KIAA1671: variants seen among roughly 807,000 people sequenced by gnomAD.
KIAA1671 encodes the protein uncharacterized protein KIAA1671.
In KIAA1671, 52 loss-of-function variants were observed where a neutral mutation model predicts 131.2. The observed-to-expected ratio is 0.40, with a 90% CI of 0.32 to 0.50. KIAA1671 has a LOEUF of 0.50. Ranked by LOEUF, KIAA1671 falls within the 20% of genes least tolerant of loss-of-function variation. The pLI is 0.73. For missense variants in KIAA1671, 2,360 were observed against 2,364.2 expected, an observed-to-expected ratio of 1.00 and a Z score of 0.04; for synonymous variants, 1,003 against 961.6, an observed-to-expected ratio of 1.04 and a Z score of -0.80.
intron 1 of KIAA1671, among the ~76,000 whole-genome samples, chr22:25,003,006 A>G (rs2123864435): frequency 6.6e-6 from 1 of 152,252 alleles, no homozygotes; most frequent in East Asian, 1.9e-4. Context: ...TCCTGAGCTC[A>G]AAGTGATCCA....
chr22:25,038,396 A>G (rs1276367789), intron 4 of KIAA1671, among the ~76,000 whole-genome samples: 7 of 152,244 alleles, frequency 4.6e-5, no homozygotes, highest in African/African-American at 9.6e-5. Flanking sequence ...GTGAGCATTC[A>G]GGTTGTTTCT....
intron 6 of KIAA1671, among the ~76,000 whole-genome samples, chr22:25,093,750 C>CTT (rs1568951040): frequency 2.9e-4 from 35 of 119,018 alleles, no homozygotes; most frequent in Middle Eastern, 4.5e-3. Flanking sequence ...CTCTCTCTCT[C>CTT]TCTCTCTCTC....
intron 1 of KIAA1671, among the ~76,000 whole-genome samples, chr22:25,020,912 T>C (rs1468974743): frequency 5.9e-5 from 9 of 152,046 alleles, no homozygotes. Flanking sequence ...GGGGAAGAAG[T>C]GTGGCCTTTA....
At chr22:24,954,769 T>G (rs896850197) in intron 1 of KIAA1671, among the ~76,000 whole-genome samples, 2 of 152,020 alleles carry the variant, frequency 1.3e-5, no homozygotes, top group Non-Finnish European at 2.9e-5. Context: ...TTTCGTTTGT[T>G]TTGTTTTGTT....
intron 6 of KIAA1671, among the ~76,000 whole-genome samples, chr22:25,166,428 GA>G (rs1440675108): frequency 2.0e-5 from 3 of 152,178 alleles, no homozygotes; most frequent in Non-Finnish European, 4.4e-5. Context: ...CCATCCGCAA[GA>G]GGTCTGGAAA....
intron 6 of KIAA1671, among the ~76,000 whole-genome samples, chr22:25,096,346 C>T (rs1053534162): frequency 2.0e-5 from 3 of 152,166 alleles, no homozygotes; most frequent in Non-Finnish European, 4.4e-5. Context: ...CGAGGGCTGC[C>T]TCTCTGTGCC....
intron 1 of KIAA1671, among the ~76,000 whole-genome samples, chr22:24,983,606 G>A (rs913893601): frequency 3.3e-5 from 5 of 151,208 alleles, no homozygotes; most frequent in African/African-American, 9.8e-5. Flanking sequence ...TGTGTGTATG[G>A]TGGGGGGGCG....
chr22:25,160,563 T>C (rs1933408150), intron 6 of KIAA1671, among the ~76,000 whole-genome samples: 1 of 152,112 alleles, frequency 6.6e-6, no homozygotes, highest in African/African-American at 2.4e-5. Context: ...ACACCAGGCT[T>C]GCACCAACCC....
intron 9 of KIAA1671, chr22:25,179,344 T>C (rs1601387075): frequency 5.0e-6 from 8 of 1,594,486 alleles, no homozygotes; most frequent in Middle Eastern, 2.1e-4. Context: ...TCCTTGTTCC[T>C]GCGCACCTCG....
intron 10 of KIAA1671, among the ~76,000 whole-genome samples, chr22:25,183,680 G>A (rs1221456916): frequency 6.6e-6 from 1 of 151,838 alleles, no homozygotes; most frequent in Non-Finnish European, 1.5e-5. Flanking sequence ...CGGCCACCAT[G>A]CCTGGCTAAT....
At chr22:25,051,224 C>T (rs1469824256) in intron 6 of KIAA1671, 1 of 152,342 alleles carries the variant, frequency 6.6e-6, no homozygotes, top group Non-Finnish European at 1.5e-5. Flanking sequence ...ACCTGCAATT[C>T]TGGGGAGTGG....
chr22:24,996,197 T>C (rs1924125572), intron 1 of KIAA1671, among the ~76,000 whole-genome samples: 1 of 151,528 alleles, frequency 6.6e-6, no homozygotes, highest in Non-Finnish European at 1.5e-5. Flanking sequence ...GAGCTGGTGA[T>C]AGAGCAGGGT....
chr22:25,035,208 C>T (rs1926523841), intron 4 of KIAA1671, among the ~76,000 whole-genome samples: 2 of 151,372 alleles, frequency 1.3e-5, no homozygotes. Context: ...TCTATGCCCA[C>T]TTAATTTTTT....
chr22:24,955,927 A>C (rs138520850), intron 1 of KIAA1671, among the ~76,000 whole-genome samples: 1,656 of 150,834 alleles, frequency 0.011, 22 homozygotes, highest in South Asian at 0.03. Context: ...TGGGAGGCTG[A>C]GGCAGGAGAA....
intron 3 of KIAA1671, 35 bp downstream of exon 3, chr22:25,029,575 G>T (rs1279420851): frequency 2.8e-6 from 4 of 1,432,728 alleles, no homozygotes; most frequent in Non-Finnish European, 2.8e-6. Context: ...TCTCTCAGCC[G>T]CCCACCCACA....
chr22:25,051,645 C>G (rs1927540637), intron 6 of KIAA1671: 1 of 152,162 alleles, frequency 6.6e-6, no homozygotes, highest in South Asian at 2.1e-4. Flanking sequence ...CTGTCCAATT[C>G]TCTTTTTATA....
At position 25,028,558 on chromosome 22, in the gene KIAA1671, C is replaced by A; in HGVS notation, c.559C>A (p.Gln187Lys). 1 of 1,546,586 alleles carries A rather than the reference C, an allele frequency of 6.5e-7. No homozygotes were observed. Among genetic ancestry groups the A allele is most frequent in the East Asian group, 2.4e-5 (1 of 40,850 alleles). The change falls in exon 3 of 13, where the codon CAG (glutamine) becomes AAG (lysine). Residue 187 changes from glutamine to lysine, a missense_variant. Physicochemically the swap from Gln to Lys is moderately conservative, Grantham distance 53. This residue lies in a region of KIAA1671 where 1,185 missense variants were observed against 1,126.2 expected (regional missense o/e 1.05). Transcript: ENST00000358431. ...GGCTGCCAAGCCCGCCCTGCCCACC[C>A]AGAAGCCTGCGGGGACCCTTCCCCG... ...EVAAKPALPTQKPAGTLPRSA... is the reference protein window; with the variant it reads ...EVAAKPALPTKKPAGTLPRSA...
Position 25,093,824 on chromosome 22 carries a change from T to TC in KIAA1671, c.4530+44460_4530+44461insC, listed in dbSNP as rs1555877745. Among the ~76,000 whole-genome samples the TC allele has an allele frequency of 6.7e-3, 147 of 21,918 alleles. 11 individuals are homozygous for TC. Among genetic ancestry groups the TC allele is most frequent in the East Asian group, 0.013 (13 of 1,036 alleles). The allele number at this position is 21,918 out of a possible 152,430, so 14.4% of individuals were successfully genotyped here. A position where few individuals can be genotyped will look rare whatever the true frequency, so the allele number is the denominator to read the frequency against. ...TCTCTCTCTCTCTGTCTCTCTCTCTTTCTCTCTCTGTCTGTCTCTCTCTCT... is the reference window on the plus strand; with the variant it reads ...TCTCTCTCTCTCTGTCTCTCTCTCTTCTCTCTCTCTGTCTGTCTCTCTCTCT... On this transcript the variant is annotated intron_variant, in intron 6 of 12. Transcript: ENST00000358431.
intron 6 of KIAA1671, among the ~76,000 whole-genome samples, chr22:25,106,783 G>A (rs949395552): frequency 1.3e-5 from 2 of 152,220 alleles, no homozygotes; most frequent in African/African-American, 4.8e-5. Flanking sequence ...AATAAAAACA[G>A]GATGAGTATT....
Sources: gnomAD v4.1 joint callset for allele counts (sites outside exome capture counted in the v4.1 genomes callset) on GRCh38, gnomAD v4.1.1 for gene constraint, gnomAD v4.1.1 regional missense constraint, MANE v1.5 for transcripts, NCBI Gene and HGNC (gene_info 2026-07-23, HGNC 2026-07-21) for gene names.